Variants in KCNH7 observed in about 807,000 individuals in gnomAD.
KCNH7 encodes voltage-gated inwardly rectifying potassium channel KCNH7.
In KCNH7, 49 loss-of-function variants were observed where a neutral mutation model predicts 120.8. The observed-to-expected ratio is 0.41, with a 90% confidence interval of 0.32 to 0.51. The LOEUF (loss-of-function observed/expected upper bound fraction) is 0.51. Among genes scored for constraint, KCNH7 ranks in the 20% least tolerant of loss-of-function variants. The pLI is 0.38. For synonymous variants in KCNH7, 547 were observed against 516.1 expected, an observed-to-expected ratio of 1.06 and a Z score of -0.81; for missense variants, 1,097 against 1,446.6, an observed-to-expected ratio of 0.76 and a Z score of 3.92.
intron 6 of KCNH7, among the ~76,000 whole-genome samples, chr2:162,452,936 CTTATT>C (rs961121723): frequency 1.3e-5 from 2 of 151,898 alleles, no homozygotes; most frequent in African/African-American, 2.4e-5. Context: ...CTCTCTCTCT[CTTATT>C]TTATTTCATT....
chr2:162,732,942 A>T (rs1330155529), intron 2 of KCNH7, among the ~76,000 whole-genome samples: 1 of 152,208 alleles, frequency 6.6e-6, no homozygotes, highest in African/African-American at 2.4e-5. Context: ...ACTTGAATTC[A>T]TTGATAACAT....
intron 2 of KCNH7, among the ~76,000 whole-genome samples, chr2:162,705,107 G>A (rs772509303): frequency 4.0e-5 from 6 of 151,814 alleles, no homozygotes; most frequent in African/African-American, 4.8e-5. Flanking sequence ...AAAGAAAAAC[G>A]GATGCAATAT....
Position 162,838,536 on chromosome 2 carries a change from G to T in KCNH7, c.-18C>A, listed in dbSNP as rs770530664. 5.6e-6 allele frequency: 9 copies of T among 1,605,828 alleles called. No individual in the cohort carries two copies. The highest frequency in any genetic ancestry group is 2.1e-4 in the Middle Eastern group (1 of 4,768). ...ACAGGCATGTTGGCCCCGGTCTTCCGAGGAGCGCTCCCCCGGAGCTCTGGA... is the reference window on the plus strand; with the variant it reads ...ACAGGCATGTTGGCCCCGGTCTTCCTAGGAGCGCTCCCCCGGAGCTCTGGA... On this transcript the variant is annotated 5_prime_UTR_variant, in exon 1 of 16. Transcript: ENST00000332142.
intron 2 of KCNH7, among the ~76,000 whole-genome samples, chr2:162,755,177 A>T (rs988189208): frequency 1.3e-5 from 2 of 151,082 alleles, no homozygotes; most frequent in African/African-American, 2.4e-5. Context: ...CTTATTACAT[A>T]AAAAAAAAGG....
intron 2 of KCNH7, among the ~76,000 whole-genome samples, chr2:162,698,144 G>GT (rs935923201): frequency 8.6e-5 from 13 of 152,004 alleles, no homozygotes; most frequent in African/African-American, 3.1e-4. Context: ...CTATTCTCCT[G>GT]TTTTTAACTT....
rs757045437 is a variant in KCNH7 at position 162,384,795 on chromosome 2, A to G, written c.2855T>C (p.Ile952Thr). Residue 952 changes from isoleucine (I) to threonine (T), a missense_variant, in exon 13 of 16, where the codon ATA becomes ACA. Physicochemically the swap from Ile to Thr is moderately conservative, Grantham distance 89. This residue lies in a region of KCNH7 where 406 missense variants were observed against 410.5 expected (regional missense o/e 0.99). Coordinates refer to ENST00000332142, the MANE Select transcript of KCNH7 (RefSeq NM_033272.4). ...CCCTATTCCTGGAGAAGAGTCTACT[A>G]TTCCTGAGAAGAGCGGCTTTTGTTC... is the stretch of plus-strand genomic sequence containing the variant. ...DDEQKPLFSG[I>T]VDSSPGIGKA... The G allele has an allele frequency of 1.4e-5, 23 of 1,612,790 alleles. No individual in the cohort carries two copies. Among genetic ancestry groups the G allele is most frequent in the South Asian group, 9.9e-5 (9 of 91,068 alleles).
chr2:162,503,454 C>T (rs1275079129), intron 6 of KCNH7, among the ~76,000 whole-genome samples: 1 of 151,786 alleles, frequency 6.6e-6, no homozygotes, highest in East Asian at 1.9e-4. Flanking sequence ...AGAAAAAATG[C>T]TCTCAAGAAT....
At chr2:162,381,016 A>G (rs1439512993) in intron 13 of KCNH7, among the ~76,000 whole-genome samples, 1 of 152,090 alleles carries the variant, frequency 6.6e-6, no homozygotes, top group Non-Finnish European at 1.5e-5. Context: ...CTGCTCTCTT[A>G]ACCTCTAAGA....
chr2:162,521,934 G>T (rs984835884), intron 3 of KCNH7, among the ~76,000 whole-genome samples: 5 of 151,590 alleles, frequency 3.3e-5, no homozygotes, highest in African/African-American at 1.2e-4. Context: ...CTATCCTCTG[G>T]TAACCATCAT....
intron 5 of KCNH7, among the ~76,000 whole-genome samples, chr2:162,509,040 C>G (rs1690977536): frequency 1.3e-5 from 2 of 151,354 alleles, no homozygotes; most frequent in South Asian, 4.2e-4. Context: ...AACAGGTAAC[C>G]AAGTAGACTA....
At chr2:162,504,949 A>G (rs573593114) in intron 5 of KCNH7, among the ~76,000 whole-genome samples, 1 of 151,928 alleles carries the variant, frequency 6.6e-6, no homozygotes, top group South Asian at 2.1e-4. Context: ...AAAAAACTAC[A>G]CTCTCTGTTA....
intron 2 of KCNH7, among the ~76,000 whole-genome samples, chr2:162,644,172 G>A (rs116278085): frequency 0.022 from 3,353 of 152,150 alleles, 128 homozygotes; most frequent in African/African-American, 0.075. Context: ...AAAAGACTGC[G>A]CTGTATCTGT....
At chr2:162,673,205 A>G (rs895808547) in intron 2 of KCNH7, among the ~76,000 whole-genome samples, 1 of 152,032 alleles carries the variant, frequency 6.6e-6, no homozygotes, top group Admixed American at 6.6e-5. Flanking sequence ...TACTGATGCC[A>G]AAAGGAGAGA....
chr2:162,804,475 C>T (rs948052637), intron 2 of KCNH7, among the ~76,000 whole-genome samples: 10 of 151,718 alleles, frequency 6.6e-5, no homozygotes, highest in Admixed American at 2.0e-4. Context: ...ATCTCTTTTA[C>T]GATAGCTGCA....
intron 6 of KCNH7, among the ~76,000 whole-genome samples, chr2:162,463,580 A>AT (rs1414751405): frequency 2.0e-5 from 3 of 151,998 alleles, no homozygotes; most frequent in South Asian, 2.1e-4. Context: ...TCAATATATT[A>AT]TTTTTTTCAC....
rs1273387875 is a variant in KCNH7 at position 162,720,322 on chromosome 2, AAG to A, written c.307+116213_307+116214del. Among the ~76,000 whole-genome samples the A allele has an allele frequency of 1.8e-4, 25 of 140,458 alleles. No homozygotes were observed. The South Asian group carries it at 2.2e-3, about 12-fold the overall frequency. The allele number at this position is 140,458 out of a possible 152,430, so 92.1% of individuals were successfully genotyped here. ...ATTAAAAAAAAAAAAAAAAAAAAAA[AAG>A]AGAGAGAGAGGGAGAGAGAGAAAAA... On this transcript the variant is annotated intron_variant, in intron 2 of 15. Coordinates refer to ENST00000332142, the MANE Select transcript of KCNH7 (RefSeq NM_033272.4).
At chr2:162,705,994 C>T (rs985223634) in intron 2 of KCNH7, among the ~76,000 whole-genome samples, 2 of 152,148 alleles carry the variant, frequency 1.3e-5, no homozygotes, top group Admixed American at 6.6e-5. Flanking sequence ...TCAGACTTCA[C>T]ATTTCAAAGT....
chr2:162,827,653 A>T (rs1685334850), intron 2 of KCNH7, among the ~76,000 whole-genome samples: 1 of 152,152 alleles, frequency 6.6e-6, no homozygotes, highest in Non-Finnish European at 1.5e-5. Flanking sequence ...TATGTTTAAG[A>T]ACTGGAACTA....
At chr2:162,551,564 G>C (rs1423879862) in intron 2 of KCNH7, among the ~76,000 whole-genome samples, 1 of 151,732 alleles carries the variant, frequency 6.6e-6, no homozygotes, top group East Asian at 1.9e-4. Context: ...AGGTGAACTA[G>C]AGAACAAATA....
Sources: allele counts gnomAD v4.1 joint callset (sites outside exome capture counted in the v4.1 genomes callset), GRCh38; gene constraint gnomAD v4.1.1; regional missense constraint gnomAD v4.1.1; transcripts MANE v1.5; gene names NCBI Gene and HGNC (gene_info 2026-07-23, HGNC 2026-07-21).